AFG2A: variants seen among roughly 807,000 people sequenced by gnomAD.
The protein encoded by AFG2A is AAA ATPase AFG2A, also known as ATPase family gene 2 protein homolog A.
At chr4:123,215,055 T>G in the AFG2A span, among the ~76,000 whole-genome samples, 1 of 152,092 alleles carries the variant, frequency 6.6e-6, no homozygotes, top group Admixed American at 6.6e-5. Context: ...GCATGATAAC[T>G]GCTTATTTTT....
At chr4:122,998,619 T>A in the AFG2A span, among the ~76,000 whole-genome samples, 5 of 152,318 alleles carry the variant, frequency 3.3e-5, no homozygotes, top group East Asian at 9.6e-4. Context: ...GTTTCATCCA[T>A]GTCCTTAAAA....
chr4:122,923,110 T>C, the AFG2A span: 3 of 1,612,864 alleles, frequency 1.9e-6, no homozygotes, highest in Admixed American at 3.3e-5. Context: ...TGAGTCGGCT[T>C]TTCTACTGCT....
At chr4:123,053,171 T>C in the AFG2A span, among the ~76,000 whole-genome samples, 1 of 152,136 alleles carries the variant, frequency 6.6e-6, no homozygotes, top group Non-Finnish European at 1.5e-5. Context: ...CCAGAAACAA[T>C]ATTTTGCATC....
chr4:123,094,391 C>T, the AFG2A span, among the ~76,000 whole-genome samples: 2 of 152,112 alleles, frequency 1.3e-5, no homozygotes, highest in Middle Eastern at 6.8e-3. Flanking sequence ...GGCCGGGGAA[C>T]GTGTAAGTCA....
the AFG2A span, among the ~76,000 whole-genome samples, chr4:123,309,437 C>T: frequency 8.5e-5 from 13 of 152,148 alleles, no homozygotes; most frequent in Non-Finnish European, 1.9e-4. Flanking sequence ...TCAGTGAGTA[C>T]AGAACGCTCA....
chr4:123,120,965 G>T, the AFG2A span, among the ~76,000 whole-genome samples: 1 of 152,054 alleles, frequency 6.6e-6, no homozygotes, highest in Non-Finnish European at 1.5e-5. Flanking sequence ...CCTTGTAAAC[G>T]TACGAGATGA....
chr4:123,210,419 A>G, the AFG2A span, among the ~76,000 whole-genome samples: 1 of 152,166 alleles, frequency 6.6e-6, no homozygotes, highest in Non-Finnish European at 1.5e-5. Flanking sequence ...TACACTCCAC[A>G]TATAAGTGAG....
At chr4:122,976,725 C>T in the AFG2A span, among the ~76,000 whole-genome samples, 1 of 152,200 alleles carries the variant, frequency 6.6e-6, no homozygotes, top group African/African-American at 2.4e-5. Context: ...TTCCAACTGC[C>T]ACCTGAATGT....
chr4:123,206,551 AG>A, the AFG2A span, among the ~76,000 whole-genome samples: 1 of 152,144 alleles, frequency 6.6e-6, no homozygotes. Flanking sequence ...TTCATTTCTG[AG>A]TTGAAATTCA....
At chr4:123,176,597 C>G in the AFG2A span, among the ~76,000 whole-genome samples, 2 of 152,046 alleles carry the variant, frequency 1.3e-5, no homozygotes, top group Non-Finnish European at 2.9e-5. Context: ...GTTTTCATCT[C>G]TAGTGTGGTC....
chr4:123,222,569 AT>A, the AFG2A span, among the ~76,000 whole-genome samples: 4 of 152,012 alleles, frequency 2.6e-5, no homozygotes, highest in Non-Finnish European at 5.9e-5. Flanking sequence ...ACCTTTAAAA[AT>A]TTTTTTTCAG....
the AFG2A span, chr4:123,317,946 AGCT>A: frequency 2.6e-5 from 4 of 152,218 alleles, no homozygotes; most frequent in African/African-American, 4.8e-5. Flanking sequence ...AGAAAAGTTG[AGCT>A]GCTTCAATTG....
chr4:123,318,967 A>T, the AFG2A span: 2 of 152,280 alleles, frequency 1.3e-5, no homozygotes, highest in South Asian at 2.1e-4. Context: ...GATGTCAGGG[A>T]TATTCACATT....
At chr4:123,171,997 C>T in the AFG2A span, among the ~76,000 whole-genome samples, 1 of 152,074 alleles carries the variant, frequency 6.6e-6, no homozygotes, top group Admixed American at 6.5e-5. Flanking sequence ...CATAGTTGTT[C>T]ACCATGCTTT....
chr4:122,937,137 C>G, the AFG2A span, among the ~76,000 whole-genome samples: 2 of 152,100 alleles, frequency 1.3e-5, no homozygotes, highest in African/African-American at 4.8e-5. Context: ...GCAACACACA[C>G]CCCGTCTCAA....
At chr4:123,075,023 A>C in the AFG2A span, among the ~76,000 whole-genome samples, 15 of 152,108 alleles carry the variant, frequency 9.9e-5, no homozygotes, top group African/African-American at 1.4e-4. Flanking sequence ...AGTTCACTGC[A>C]ACCTCTGCCT....
the AFG2A span, among the ~76,000 whole-genome samples, chr4:123,192,331 C>T: frequency 6.6e-6 from 1 of 152,110 alleles, no homozygotes; most frequent in East Asian, 1.9e-4. Context: ...CTGCTAAAAT[C>T]GTATTTTATT....
chr4:122,927,660 C>T, the AFG2A span: 1 of 1,610,862 alleles, frequency 6.2e-7, no homozygotes, highest in South Asian at 1.1e-5. Flanking sequence ...TAAAACATTC[C>T]AGAATTCCCT....
chr4:122,934,643 C>T, the AFG2A span: 2 of 1,613,626 alleles, frequency 1.2e-6, no homozygotes, highest in South Asian at 1.1e-5. Flanking sequence ...TTCAAAGTAA[C>T]TTATGACATG....
Sources: allele counts gnomAD v4.1 joint callset (sites outside exome capture counted in the v4.1 genomes callset), GRCh38; gene constraint gnomAD v4.1.1; transcripts MANE v1.5; gene names NCBI Gene and HGNC (gene_info 2026-07-23, HGNC 2026-07-21).